LYN: variants seen among roughly 807,000 people sequenced by gnomAD.
LYN encodes the protein LYN proto-oncogene, Src family tyrosine kinase, also known as tyrosine-protein kinase Lyn.
In LYN, 12 loss-of-function variants were observed where a neutral mutation model predicts 65.0. The ratio of observed to expected loss-of-function variants is 0.18; its 90% CI spans 0.12 to 0.30. The LOEUF (loss-of-function observed/expected upper bound fraction) is 0.30, where lower values mean the gene tolerates loss of function less well. Among genes scored for constraint, LYN ranks in the 10% least tolerant of loss-of-function variants. The pLI is 1.00. For synonymous variants in LYN, 222 were observed against 221.2 expected (o/e 1.00, Z -0.03); for missense variants, 380 against 623.2 (o/e 0.61, Z 4.16).
At chr8:55,943,273 A>ATTTC (rs1194815373) in intron 2 of LYN, among the ~76,000 whole-genome samples, 1 of 152,170 alleles carries the variant, frequency 6.6e-6, no homozygotes, top group Non-Finnish European at 1.5e-5. Context: ...TAAGCTGGAA[A>ATTTC]CAGTTTATTC....
chr8:55,956,885 G>T (rs1807132929), intron 8 of LYN, among the ~76,000 whole-genome samples: 2 of 152,216 alleles, frequency 1.3e-5, no homozygotes, highest in Admixed American at 6.5e-5. Context: ...AGGAGGAGAA[G>T]ACAGGAGGAA....
intron 1 of LYN, among the ~76,000 whole-genome samples, chr8:55,881,039 GA>G (rs1337922434): frequency 6.6e-6 from 1 of 152,196 alleles, no homozygotes; most frequent in African/African-American, 2.4e-5. Flanking sequence ...ACCGATTATT[GA>G]AATTCCCTGT....
rs1217606451 is a variant in LYN, at chr8:55,974,414, G to A, written c.1050+4621G>A. Among the ~76,000 whole-genome samples, 4 of 152,208 alleles carry A rather than the reference G, an allele frequency of 2.6e-5. No homozygotes were observed. In the East Asian group the frequency reaches 7.7e-4, roughly 29 times the overall value. ...AAATTTAAAGCCACATTTTAAGGTG[G>A]AAATTGGTAAAATGAGGAAGGTAGG... On this transcript the variant is annotated intron_variant, in intron 10 of 12. Transcript: ENST00000519728.
chr8:55,952,216 TTTCTC>T, intron 7 of LYN, 101 bp downstream of exon 7: 1 of 924,792 alleles, frequency 1.1e-6, no homozygotes, highest in Non-Finnish European at 1.6e-6. Context: ...ATGCATCGTA[TTTCTC>T]TTAGATACAG....
Position 56,003,062 on chromosome 8 carries a change from G to T in LYN, c.1336+3513G>T, listed in dbSNP as rs866691340. Among the ~76,000 whole-genome samples, 647 of 136,816 alleles carry T rather than the reference G, an allele frequency of 4.7e-3. 4 individuals are homozygous for T. Among genetic ancestry groups the T allele is most frequent in the African/African-American group, 0.016 (590 of 37,564 alleles). The allele number at this position is 136,816 out of a possible 152,430, so 89.8% of individuals were successfully genotyped here. On this transcript the variant is annotated intron_variant, in intron 12 of 12. Coordinates refer to ENST00000519728, the MANE Select transcript of LYN (RefSeq NM_002350.4). ...ACTGCTGGCTATGTTTTTGTTTTTT[G>T]TTTTTTTTTTTTTTTGAGACAGAAT... is the stretch of plus-strand genomic sequence containing the variant.
chr8:55,940,936 T>C (rs1233511993), intron 1 of LYN, among the ~76,000 whole-genome samples: 1 of 152,170 alleles, frequency 6.6e-6, no homozygotes, highest in Non-Finnish European at 1.5e-5. Context: ...GTCATTTTGC[T>C]TTTACCTGCG....
chr8:55,953,748 G>C (rs1323400764), intron 7 of LYN, 84 bp from the exon 8 acceptor site: 1 of 1,280,540 alleles, frequency 7.8e-7, no homozygotes, highest in African/African-American at 1.5e-5. Context: ...ACACTATAAG[G>C]CTAGTGTTCA....
In LYN at chr8:55,911,281, ATATATT is replaced by A. The variant is rs1251145561; in HGVS notation, c.-5-30572_-5-30567del. 3.8e-3 allele frequency among the ~76,000 whole-genome samples: 165 copies of A among 43,124 alleles called. 6 individuals are homozygous for A. The highest frequency in any genetic ancestry group is 0.017 in the African/African-American group (153 of 9,164). 28.3% of individuals were successfully genotyped at this position (43,124 alleles called of 152,430 possible). A position where few individuals can be genotyped will look rare whatever the true frequency, so the allele number is the denominator to read the frequency against. Reference sequence around the variant, plus strand: ...TGTATATATATATATATATATATATATATATTTTTTTTTTTTTTTTAGTAGAGACAG... The same window carrying A: ...TGTATATATATATATATATATATATATTTTTTTTTTTTTTAGTAGAGACAG... On this transcript the variant is annotated intron_variant, in intron 1 of 12. Transcript: ENST00000519728.
intron 9 of LYN, among the ~76,000 whole-genome samples, chr8:55,967,306 ATTTTTTTTTT>A (rs35631616): frequency 8.4e-5 from 8 of 95,144 alleles, no homozygotes; most frequent in Admixed American, 8.2e-4. Context: ...TTCCTCTTTC[ATTTTTTTTTT>A]TTTTTTTTTT....
chr8:55,931,877 AT>A (rs1419314058), intron 1 of LYN, among the ~76,000 whole-genome samples: 1 of 152,158 alleles, frequency 6.6e-6, no homozygotes, highest in East Asian at 1.9e-4. Context: ...AACTTTATGC[AT>A]TTTTAATGTG....
chr8:55,919,022 CAAAA>C (rs35663372), intron 1 of LYN, among the ~76,000 whole-genome samples: 6 of 62,756 alleles, frequency 9.6e-5, no homozygotes, highest in East Asian at 5.8e-4. Flanking sequence ...CCTGTCTCTA[CAAAA>C]AAAAAAAAAA....
chr8:55,967,303 T>G (rs1807486477), intron 9 of LYN, among the ~76,000 whole-genome samples: 1 of 148,218 alleles, frequency 6.7e-6, no homozygotes, highest in African/African-American at 2.5e-5. Context: ...AAATTCCTCT[T>G]TCATTTTTTT....
chr8:55,933,905 C>A (rs1335643255), intron 1 of LYN, among the ~76,000 whole-genome samples: 1 of 152,204 alleles, frequency 6.6e-6, no homozygotes, highest in Non-Finnish European at 1.5e-5. Flanking sequence ...CTACCTACGG[C>A]TGTGCTTATG....
In LYN at chr8:55,901,535, C is replaced by T. The variant is rs149226238; in HGVS notation, c.-6+21432C>T. Among the ~76,000 whole-genome samples, 42 of 152,282 alleles carry T rather than the reference C, an allele frequency of 2.8e-4. 1 individual carries two copies. The East Asian group carries it at 7.9e-3, about 29-fold the overall frequency. On this transcript the variant is annotated intron_variant, in intron 1 of 12. Coordinates refer to ENST00000519728, the MANE Select transcript of LYN (RefSeq NM_002350.4). Reference sequence around the variant, plus strand: ...AACTACTTCTGGTGGTTTCCCTGGACTTAGTATCCCCCAAACCTGGCAGCC... The same window carrying T: ...AACTACTTCTGGTGGTTTCCCTGGATTTAGTATCCCCCAAACCTGGCAGCC...
chr8:55,999,606 G>T, intron 12 of LYN, 57 bp downstream of exon 12: 1 of 1,517,756 alleles, frequency 6.6e-7, no homozygotes, highest in South Asian at 1.1e-5. Flanking sequence ...AAGTCAGGTT[G>T]CATGAAGGCA....
rs143085062 is a variant in LYN, at chr8:55,974,818, G to A, written c.1050+5025G>A. 2.6e-4 allele frequency among the ~76,000 whole-genome samples: 39 copies of A among 152,230 alleles called. No homozygotes were observed. The East Asian group carries it at 4.2e-3, about 17-fold the overall frequency. On this transcript the variant is annotated intron_variant, in intron 10 of 12. Coordinates refer to ENST00000519728, the MANE Select transcript of LYN (RefSeq NM_002350.4). The stretch of plus-strand genomic sequence containing the variant: ...TTAGTAACAACCTTTGATTGATAGC[G>A]TCCTCATGTTTAGTTCACTCAAGCT...
intron 1 of LYN, among the ~76,000 whole-genome samples, chr8:55,932,780 C>T (rs1310910702): frequency 6.6e-6 from 1 of 152,178 alleles, no homozygotes; most frequent in African/African-American, 2.4e-5. Context: ...GGGAATACTA[C>T]ACAGCCATAA....
At chr8:55,973,774 A>G (rs1231388615) in intron 10 of LYN, among the ~76,000 whole-genome samples, 1 of 152,236 alleles carries the variant, frequency 6.6e-6, no homozygotes, top group East Asian at 1.9e-4. Flanking sequence ...TTGTGAGTTA[A>G]ATGTCAGTAA....
chr8:55,951,919 T>A, intron 6 of LYN, 47 bp from the exon 7 acceptor site: 4 of 1,527,108 alleles, frequency 2.6e-6, no homozygotes, highest in South Asian at 1.2e-5. Flanking sequence ...ATAATGCAGA[T>A]CTTATTTGTG....
Sources: gnomAD v4.1 joint callset for allele counts (sites outside exome capture counted in the v4.1 genomes callset) on GRCh38, gnomAD v4.1.1 for gene constraint, MANE v1.5 for transcripts, NCBI Gene and HGNC (gene_info 2026-07-23, HGNC 2026-07-21) for gene names.